UGT2B7: variants seen among roughly 807,000 people sequenced by gnomAD.
UGT2B7 encodes UDP glucuronosyltransferase family 2 member B7.
In UGT2B7, 51 loss-of-function variants were observed where a neutral mutation model predicts 51.9. The ratio of observed to expected loss-of-function variants is 0.98; its 90% CI spans 0.78 to 1.24. The LOEUF (loss-of-function observed/expected upper bound fraction) is 1.24, where lower values mean the gene tolerates loss of function less well. UGT2B7 is among the 50% of genes most tolerant of loss of function. The pLI is 0.00. For synonymous variants in UGT2B7, 225 were observed against 211.6 expected (o/e 1.06, Z -0.55); for missense variants, 727 against 628.4 (o/e 1.16, Z -1.68).
At chr4:69,060,818 G>A (rs1718328667) in intron 1 of UGT2B7, among the ~76,000 whole-genome samples, 1 of 152,170 alleles carries the variant, frequency 6.6e-6, no homozygotes, top group Non-Finnish European at 1.5e-5. Context: ...TCGAATCCGA[G>A]AATAACTCAA....
chr4:69,070,363 C>T (rs1044816858), intron 1 of UGT2B7, among the ~76,000 whole-genome samples: 32 of 146,938 alleles, frequency 2.2e-4, no homozygotes, highest in African/African-American at 7.5e-4. Context: ...AAAATGTGCA[C>T]GTTTGTTACC....
At chr4:69,066,360 A>C (rs1475409210) in intron 1 of UGT2B7, 1 of 152,066 alleles carries the variant, frequency 6.6e-6, no homozygotes, top group Admixed American at 6.6e-5. Flanking sequence ...CTATGTGTCC[A>C]CGTGTTCTCA....
upstream of UGT2B7, among the ~76,000 whole-genome samples, chr4:69,092,253 C>T (rs905225435): frequency 7.2e-5 from 11 of 152,176 alleles, no homozygotes; most frequent in African/African-American, 2.7e-4. Flanking sequence ...ACCCAGTTCT[C>T]AGTATCTTTC....
In UGT2B7 at chr4:69,112,685, G is replaced by A; in HGVS notation, c.1539G>A (p.Leu513=). Reference sequence around the variant, plus strand: ...TATTTATCGTCACAAAATGTTGTCTGTTTTGTTTCTGGAAGTTTGCTAGAA... The same window carrying A: ...TATTTATCGTCACAAAATGTTGTCTATTTTGTTTCTGGAAGTTTGCTAGAA... ...TVIFIVTKCC[L]FCFWKFARKA... is the part of the protein sequence containing the mutation. The change falls in exon 6 of 6, where the codon CTG becomes CTA. Residue 513 remains leucine, a synonymous_variant. Coordinates refer to ENST00000305231, the MANE Select transcript of UGT2B7 (RefSeq NM_001074.4). 1 of 1,613,768 alleles carries A rather than the reference G, an allele frequency of 6.2e-7. No homozygotes were observed. Among genetic ancestry groups the A allele is most frequent in the Non-Finnish European group, 8.5e-7 (1 of 1,179,824 alleles).
At position 69,098,525 on chromosome 4, in the gene UGT2B7, T is replaced by TTTCTATTCCTG; in HGVS notation, c.722-14_722-13insTCTATTCCTGT. On this transcript the variant is annotated splice_polypyrimidine_tract_variant and intron_variant, in intron 1 of 5. Transcript: ENST00000305231. The stretch of plus-strand genomic sequence containing the variant: ...ATCTTGTGTCATCCACCTTTTTTTT[T>TTTCTATTCCTG]TCTATTCCTGTCAGGAAGACCCACT... 1.3e-6 allele frequency: 2 copies of TTTCTATTCCTG among 1,586,772 alleles called. No individual in the cohort carries two copies.
intron 1 of UGT2B7, among the ~76,000 whole-genome samples, chr4:69,067,040 C>A (rs1718495853): frequency 1.3e-5 from 2 of 152,136 alleles, no homozygotes; most frequent in South Asian, 2.1e-4. Flanking sequence ...TTCACCATTT[C>A]TCTAAGAGAA....
intron 1 of UGT2B7, among the ~76,000 whole-genome samples, chr4:69,078,765 C>T (rs1347397670): frequency 6.6e-6 from 1 of 152,088 alleles, no homozygotes; most frequent in East Asian, 1.9e-4. Flanking sequence ...GGGTTGGAAG[C>T]TCTTGCAGAT....
chr4:69,105,424 A>T (rs1207496071), intron 3 of UGT2B7, among the ~76,000 whole-genome samples: 1 of 152,224 alleles, frequency 6.6e-6, no homozygotes, highest in African/African-American at 2.4e-5. Context: ...AATAAAAGTT[A>T]AACACTGTAA....
At chr4:69,058,845 G>T (rs2109861310) in intron 1 of UGT2B7, among the ~76,000 whole-genome samples, 1 of 152,236 alleles carries the variant, frequency 6.6e-6, no homozygotes, top group East Asian at 1.9e-4. Flanking sequence ...AGCTGGCTTT[G>T]CAAGGTGGCG....
chr4:69,064,843 A>G (rs1201870927), intron 1 of UGT2B7, among the ~76,000 whole-genome samples: 2 of 152,232 alleles, frequency 1.3e-5, no homozygotes, highest in African/African-American at 4.8e-5. Context: ...ATGATAAAAC[A>G]GCACAAAGAG....
chr4:69,055,098 TAAAAAAAA>T (rs1178892377), intron 1 of UGT2B7, among the ~76,000 whole-genome samples: 4 of 22,548 alleles, frequency 1.8e-4, no homozygotes, highest in African/African-American at 6.0e-4. Flanking sequence ...AAGTAATAGC[TAAAAAAAA>T]AAAAAAAAAA....
chr4:69,068,408 C>T (rs574711125), intron 1 of UGT2B7, among the ~76,000 whole-genome samples: 30 of 151,872 alleles, frequency 2.0e-4, no homozygotes, highest in Non-Finnish European at 3.7e-4. Context: ...AAATAATTGA[C>T]TTGAAAGATA....
At chr4:69,110,299 T>C (rs1560513063) in intron 5 of UGT2B7, among the ~76,000 whole-genome samples, 1 of 152,040 alleles carries the variant, frequency 6.6e-6, no homozygotes, top group African/African-American at 2.4e-5. Context: ...ATAAAGACTA[T>C]ATGATCCAGC....
intron 2 of UGT2B7, among the ~76,000 whole-genome samples, chr4:69,100,940 G>A (rs56388229): frequency 0.58 from 87,589 of 151,850 alleles, 26,251 homozygotes; most frequent in African/African-American, 0.71. Context: ...TTTATAATAT[G>A]TTCACGTGAA....
At chr4:69,065,652 TG>T (rs1488624925) in intron 1 of UGT2B7, among the ~76,000 whole-genome samples, 1 of 152,206 alleles carries the variant, frequency 6.6e-6, no homozygotes, top group Non-Finnish European at 1.5e-5. Context: ...AGTAGATTAG[TG>T]TATTTCTCAT....
At chr4:69,087,609 T>G (rs897383674) in intron 1 of UGT2B7, among the ~76,000 whole-genome samples, 3 of 152,012 alleles carry the variant, frequency 2.0e-5, no homozygotes, top group Non-Finnish European at 2.9e-5. Context: ...TTGTATTATT[T>G]CTTGTAAGAT....
intron 1 of UGT2B7, among the ~76,000 whole-genome samples, chr4:69,073,026 G>T (rs116632077): frequency 1.3e-5 from 2 of 152,022 alleles, no homozygotes; most frequent in Non-Finnish European, 2.9e-5. Context: ...GGCCCACTGG[G>T]TTCTCCACCT....
chr4:69,102,919 T>A lies in UGT2B7; in HGVS notation c.983T>A (p.Leu328Gln). Residue 328 changes from leucine (L) to glutamine (Q), a missense_variant, in exon 3 of 6, where the codon CTG becomes CAG. Coordinates refer to ENST00000305231, the MANE Select transcript of UGT2B7 (RefSeq NM_001074.4). ...EERANVIASA[L>Q]AQIPQKVLWR... ...AGGGCCAACGTAATTGCATCAGCCC[T>A]GGCCCAGATCCCACAAAAGGTAAGA... The A allele has an allele frequency of 6.2e-7, 1 of 1,613,310 alleles. No homozygotes were observed. Among genetic ancestry groups the A allele is most frequent in the Non-Finnish European group, 8.5e-7 (1 of 1,179,572 alleles).
intron 1 of UGT2B7, among the ~76,000 whole-genome samples, chr4:69,060,127 T>C (rs553123946): frequency 2.0e-5 from 3 of 152,190 alleles, no homozygotes; most frequent in Non-Finnish European, 4.4e-5. Context: ...ATTGATGATC[T>C]TCTTCTAGCA....
Sources: gnomAD v4.1 joint callset for allele counts (sites outside exome capture counted in the v4.1 genomes callset) on GRCh38, gnomAD v4.1.1 for gene constraint, MANE v1.5 for transcripts, NCBI Gene and HGNC (gene_info 2026-07-23, HGNC 2026-07-21) for gene names.